The following CPED1 variants were observed in gnomAD, a reference collection of about 807,000 sequenced individuals.
CPED1 encodes the protein cadherin like and PC-esterase domain containing 1, also known as cadherin-like and PC-esterase domain-containing protein 1.
Under a neutral mutation model 128.2 loss-of-function variants are expected in CPED1, and 114 were observed. The observed-to-expected ratio is 0.89, with a 90% CI of 0.76 to 1.04. The LOEUF (loss-of-function observed/expected upper bound fraction) is 1.04, where lower values mean the gene tolerates loss of function less well. Among genes scored for constraint, CPED1 ranks in the 50% least tolerant of loss-of-function variants. The pLI is 0.00. For synonymous variants in CPED1, 462 were observed against 426.7 expected (o/e 1.08, Z -1.02); for missense variants, 1,211 against 1,207.1 (o/e 1.00, Z -0.05).
chr7:121,217,467 G>A (rs535682867), intron 16 of CPED1, among the ~76,000 whole-genome samples: 74 of 152,156 alleles, frequency 4.9e-4, no homozygotes, highest in Non-Finnish European at 8.4e-4. Flanking sequence ...CTTGGAAGAT[G>A]TCATTGTTTT....
chr7:121,185,504 A>G (rs1796983325), intron 16 of CPED1, among the ~76,000 whole-genome samples: 1 of 152,270 alleles, frequency 6.6e-6, no homozygotes. Context: ...CTTGATGCCT[A>G]TAAGGCATCA....
chr7:121,045,517 C>T (rs1328889263), intron 3 of CPED1, among the ~76,000 whole-genome samples: 1 of 152,148 alleles, frequency 6.6e-6, no homozygotes, highest in African/African-American at 2.4e-5. Context: ...CTTATTAATA[C>T]TTTTCTCATA....
chr7:121,133,797 A>C, intron 12 of CPED1, 26 bp from the exon 13 acceptor site: 1 of 1,505,124 alleles, frequency 6.6e-7, no homozygotes, highest in African/African-American at 1.4e-5. Flanking sequence ...TCATTAATCC[A>C]GAGTTGTTTG....
intron 5 of CPED1, among the ~76,000 whole-genome samples, chr7:121,065,280 A>G (rs1437811410): frequency 5.3e-5 from 8 of 152,172 alleles, no homozygotes; most frequent in Non-Finnish European, 5.9e-5. Flanking sequence ...CTAAACAGCT[A>G]TGTAAATTTG....
intron 5 of CPED1, among the ~76,000 whole-genome samples, chr7:121,090,956 T>TA (rs1794558974): frequency 6.7e-6 from 1 of 150,182 alleles, no homozygotes; most frequent in Non-Finnish European, 1.5e-5. Context: ...TCTAAAAAAA[T>TA]AAAAATAAAA....
intron 11 of CPED1, among the ~76,000 whole-genome samples, chr7:121,129,911 C>T (rs1054693310): frequency 6.6e-6 from 1 of 151,582 alleles, no homozygotes. Context: ...AAAAACTCAC[C>T]CTATTTGGAA....
chr7:121,232,424 G>A (rs1468291935), intron 16 of CPED1, among the ~76,000 whole-genome samples: 3 of 152,070 alleles, frequency 2.0e-5, no homozygotes, highest in Non-Finnish European at 2.9e-5. Context: ...ATGAGATGTG[G>A]GATCTGCTAG....
intron 16 of CPED1, among the ~76,000 whole-genome samples, chr7:121,158,130 G>C (rs1796333607): frequency 6.6e-6 from 1 of 152,120 alleles, no homozygotes; most frequent in African/African-American, 2.4e-5. Context: ...TAGCCAATCA[G>C]CAAATAGGAA....
At chr7:121,181,311 A>T (rs1169086029) in intron 16 of CPED1, among the ~76,000 whole-genome samples, 1 of 152,114 alleles carries the variant, frequency 6.6e-6, no homozygotes, top group African/African-American at 2.4e-5. Flanking sequence ...TATTCCACGC[A>T]GAGGGAACAA....
chr7:121,115,086 T>A (rs1795204877), intron 7 of CPED1, among the ~76,000 whole-genome samples: 1 of 152,176 alleles, frequency 6.6e-6, no homozygotes, highest in Non-Finnish European at 1.5e-5. Context: ...TGATTGGAAC[T>A]GGCCTTCATA....
chr7:120,994,494 A>T (rs1288947636), intron 2 of CPED1, among the ~76,000 whole-genome samples: 4 of 152,198 alleles, frequency 2.6e-5, no homozygotes, highest in African/African-American at 4.8e-5. Flanking sequence ...CTACTTTTTG[A>T]ATGTTGAGAA....
chr7:121,099,373 AATTT>A (rs1563025195), intron 6 of CPED1, among the ~76,000 whole-genome samples: 1 of 151,896 alleles, frequency 6.6e-6, no homozygotes, highest in Non-Finnish European at 1.5e-5. Flanking sequence ...TAAATTAATT[AATTT>A]ATTTATTTGA....
chr7:121,237,593 C>A (rs1261358446), intron 17 of CPED1, among the ~76,000 whole-genome samples: 1 of 152,098 alleles, frequency 6.6e-6, no homozygotes, highest in Non-Finnish European at 1.5e-5. Context: ...ATGTTGGGGT[C>A]AAGCCAAAGT....
chr7:121,094,719 C>T (rs1794657687), intron 5 of CPED1, among the ~76,000 whole-genome samples: 1 of 152,172 alleles, frequency 6.6e-6, no homozygotes. Flanking sequence ...AAAACGAAAG[C>T]CCAGGTCTCC....
At chr7:121,150,211 TC>T (rs1292992219) in intron 16 of CPED1, among the ~76,000 whole-genome samples, 1 of 150,402 alleles carries the variant, frequency 6.6e-6, no homozygotes, top group African/African-American at 2.5e-5. Flanking sequence ...TCCCTCCCTT[TC>T]TCCCCCATCT....
chr7:121,241,606 C>G (rs866311800), intron 17 of CPED1, among the ~76,000 whole-genome samples: 1 of 151,990 alleles, frequency 6.6e-6, no homozygotes, highest in Non-Finnish European at 1.5e-5. Flanking sequence ...CCTGTCAGGC[C>G]CATCTCTTCA....
At chr7:121,072,511 G>A (rs572820528) in intron 5 of CPED1, among the ~76,000 whole-genome samples, 62 of 152,070 alleles carry the variant, frequency 4.1e-4, no homozygotes, top group Middle Eastern at 3.4e-3. Context: ...TTTCAATTCA[G>A]TATGGGTAGA....
At chr7:120,996,868 T>G (rs1244951292) in intron 2 of CPED1, among the ~76,000 whole-genome samples, 1 of 152,182 alleles carries the variant, frequency 6.6e-6, no homozygotes, top group East Asian at 1.9e-4. Flanking sequence ...TGTGCACAGG[T>G]CCCATTAATA....
chr7:121,020,283 C>T (rs1379190737), intron 3 of CPED1, among the ~76,000 whole-genome samples: 1 of 151,918 alleles, frequency 6.6e-6, no homozygotes, highest in African/African-American at 2.4e-5. Flanking sequence ...GATATCCTTG[C>T]CAAGGGCTGG....
Sources: gnomAD v4.1 joint callset for allele counts (sites outside exome capture counted in the v4.1 genomes callset) on GRCh38, gnomAD v4.1.1 for gene constraint, MANE v1.5 for transcripts, NCBI Gene and HGNC (gene_info 2026-07-23, HGNC 2026-07-21) for gene names.